COG7: variants seen among roughly 807,000 people sequenced by gnomAD.
COG7 encodes component of oligomeric golgi complex 7, also known as conserved oligomeric Golgi complex subunit 7.
COG7 carries 49 observed loss-of-function variants against 91.5 expected under a neutral mutation model. That is an observed-to-expected ratio of 0.54 (90% confidence interval 0.43 to 0.68). COG7 has a LOEUF of 0.68. Among genes scored for constraint, COG7 ranks in the 30% least tolerant of loss-of-function variants. The pLI is 0.00. For missense variants in COG7, 895 were observed against 961.3 expected, an observed-to-expected ratio of 0.93 and a Z score of 0.91; for synonymous variants, 365 against 388.7, an observed-to-expected ratio of 0.94 and a Z score of 0.72.
intron 6 of COG7, among the ~76,000 whole-genome samples, chr16:23,427,863 C>T (rs1283784662): frequency 6.6e-6 from 1 of 152,096 alleles, no homozygotes; most frequent in African/African-American, 2.4e-5. Context: ...CCACCAAATT[C>T]GTTATTTTTA....
At chr16:23,406,520 T>A (rs1050307931) in intron 11 of COG7, among the ~76,000 whole-genome samples, 1 of 152,210 alleles carries the variant, frequency 6.6e-6, no homozygotes, top group Non-Finnish European at 1.5e-5. Context: ...CTCCCTAATA[T>A]GACCGACAGC....
chr16:23,426,864 G>C (rs752788790), intron 6 of COG7, among the ~76,000 whole-genome samples: 103 of 147,688 alleles, frequency 7.0e-4, no homozygotes, highest in Middle Eastern at 3.5e-3. Context: ...GAAAGAAAAG[G>C]CATCCAAATT....
chr16:23,416,823 A>G (rs769671116), intron 9 of COG7, 144 bp downstream of exon 9: 9 of 905,288 alleles, frequency 9.9e-6, no homozygotes, highest in Admixed American at 6.2e-5. Context: ...CAATGCCACT[A>G]TGAATATCCT....
At chr16:23,399,701 T>A (rs1963343924) in intron 13 of COG7, among the ~76,000 whole-genome samples, 1 of 151,904 alleles carries the variant, frequency 6.6e-6, no homozygotes, top group Non-Finnish European at 1.5e-5. Flanking sequence ...ATGTATGCGG[T>A]ACACAGAGGC....
At chr16:23,399,061 C>T (rs894864203) in intron 13 of COG7, among the ~76,000 whole-genome samples, 2 of 152,116 alleles carry the variant, frequency 1.3e-5, no homozygotes, top group African/African-American at 2.4e-5. Context: ...GTGACTCCGG[C>T]GGTCATGTAG....
At chr16:23,411,806 C>G (rs1241242457) in intron 10 of COG7, among the ~76,000 whole-genome samples, 1 of 151,676 alleles carries the variant, frequency 6.6e-6, no homozygotes, top group East Asian at 1.9e-4. Flanking sequence ...TGAAGTGCGC[C>G]AAGTGAACGG....
chr16:23,393,393 G>A lies in COG7; in HGVS notation c.1888-46C>T, dbSNP rs748187211. On this transcript the variant is annotated intron_variant, in intron 14 of 16. Transcript: ENST00000307149. ...GTTAGCCTGACATTGACACATACGG[G>A]TTATTACTTTATGGGTACATTTGTG... The A allele has an allele frequency of 3.4e-5, 48 of 1,432,448 alleles. No homozygotes were observed. The East Asian group carries it at 1.0e-3, about 31-fold the overall frequency. 88.7% of individuals were successfully genotyped at this position (1,432,448 alleles called of 1,614,324 possible).
At chr16:23,432,109 T>C (rs550935002) in intron 6 of COG7, among the ~76,000 whole-genome samples, 2 of 152,246 alleles carry the variant, frequency 1.3e-5, no homozygotes, top group African/African-American at 4.8e-5. Flanking sequence ...ATCATGCCAC[T>C]GCACTCTAGC....
At chr16:23,449,391 TAAAA>T (rs1964230583) in intron 1 of COG7, among the ~76,000 whole-genome samples, 1 of 126,278 alleles carries the variant, frequency 7.9e-6, no homozygotes, top group Non-Finnish European at 1.7e-5. Context: ...TAAAATAAAA[TAAAA>T]TAAAATAAAA....
chr16:23,397,058 A>G (rs974936888), intron 14 of COG7, among the ~76,000 whole-genome samples: 1 of 152,052 alleles, frequency 6.6e-6, no homozygotes, highest in African/African-American at 2.4e-5. Flanking sequence ...CACAGGACAC[A>G]CCACCATGCC....
intron 6 of COG7, 78 bp downstream of exon 6, chr16:23,433,467 G>C: frequency 6.4e-7 from 1 of 1,572,342 alleles, no homozygotes; most frequent in Non-Finnish European, 8.7e-7. Context: ...GCAGTTGAGG[G>C]TGGCCACTCC....
intron 11 of COG7, among the ~76,000 whole-genome samples, chr16:23,407,188 C>T (rs376449940): frequency 6.6e-6 from 1 of 152,214 alleles, no homozygotes; most frequent in Non-Finnish European, 1.5e-5. Context: ...CCCTGTGATA[C>T]GATCTTCCTC....
At position 23,411,841 on chromosome 16, in the gene COG7, T is replaced by C. The variant is rs550630864; in HGVS notation, c.1410-1481A>G. 4.6e-5 allele frequency among the ~76,000 whole-genome samples: 7 copies of C among 151,244 alleles called. No homozygotes were observed. The East Asian group carries it at 7.7e-4, about 17-fold the overall frequency. On this transcript the variant is annotated intron_variant, in intron 10 of 16. Coordinates refer to ENST00000307149, the MANE Select transcript of COG7 (RefSeq NM_153603.4). ...GCCATTTCTCTCTTGGGAAAATATA[T>C]CCAGGAAGAATGGTTTTAAGAAAAA...
At chr16:23,428,369 TA>T (rs994769908) in intron 6 of COG7, among the ~76,000 whole-genome samples, 1 of 150,286 alleles carries the variant, frequency 6.7e-6, no homozygotes, top group African/African-American at 2.4e-5. Flanking sequence ...AAATAAAAAA[TA>T]AAAAAAACCT....
intron 1 of COG7, among the ~76,000 whole-genome samples, chr16:23,451,321 C>T (rs1259931698): frequency 6.6e-6 from 1 of 152,202 alleles, no homozygotes; most frequent in Non-Finnish European, 1.5e-5. Flanking sequence ...ACTGAATCAA[C>T]ACACAGTGAA....
At chr16:23,438,738 A>AC (rs1424236322) in intron 4 of COG7, among the ~76,000 whole-genome samples, 4 of 151,964 alleles carry the variant, frequency 2.6e-5, no homozygotes, top group African/African-American at 9.7e-5. Flanking sequence ...TCCAAAAAAA[A>AC]ACAAAAAATG....
chr16:23,416,170 C>T (rs1159894712), intron 9 of COG7: 1 of 152,204 alleles, frequency 6.6e-6, no homozygotes, highest in Non-Finnish European at 1.5e-5. Context: ...GCTGGGATTA[C>T]AGGCATCCAC....
intron 16 of COG7, 147 bp from the exon 17 acceptor site, chr16:23,389,233 C>T: frequency 1.2e-6 from 1 of 869,532 alleles, no homozygotes; most frequent in South Asian, 1.6e-5. Flanking sequence ...CCTCAATAGG[C>T]CCTTTACTCA....
chr16:23,427,280 C>A (rs1963864026), intron 6 of COG7, among the ~76,000 whole-genome samples: 2 of 150,420 alleles, frequency 1.3e-5, no homozygotes, highest in South Asian at 4.2e-4. Context: ...CAAAAAAAAA[C>A]CAGGCTAGGC....
Sources: allele counts gnomAD v4.1 joint callset (sites outside exome capture counted in the v4.1 genomes callset), GRCh38; gene constraint gnomAD v4.1.1; transcripts MANE v1.5; gene names NCBI Gene and HGNC (gene_info 2026-07-23, HGNC 2026-07-21).